The following SNX29 variants were observed in gnomAD, a reference collection of about 807,000 sequenced individuals.
SNX29 encodes the protein sorting nexin 29.
A neutral mutation model predicts 102.1 loss-of-function variants in SNX29; 78 were observed. The observed-to-expected ratio is 0.76, with a 90% CI of 0.64 to 0.92. The LOEUF is 0.92. Among genes scored for constraint, SNX29 ranks in the 40% least tolerant of loss-of-function variants. The pLI, the probability that SNX29 is intolerant of heterozygous loss-of-function variation, is 0.00. For missense variants in SNX29, 1,280 were observed against 1,061.7 expected (o/e 1.21, Z -2.86); for synonymous variants, 580 against 414.5 (o/e 1.40, Z -4.85).
At chr16:12,548,842 C>T (rs373036713) in intron 20 of SNX29, among the ~76,000 whole-genome samples, 3 of 152,200 alleles carry the variant, frequency 2.0e-5, no homozygotes, top group South Asian at 4.1e-4. Flanking sequence ...GTCTAGCTCT[C>T]AGTTCCTCTG....
chr16:12,213,761 C>T (rs927614638), intron 14 of SNX29, among the ~76,000 whole-genome samples: 1 of 152,206 alleles, frequency 6.6e-6, no homozygotes, highest in Non-Finnish European at 1.5e-5. Context: ...TAGCCAGTTT[C>T]CCGACCTTTA....
chr16:12,351,694 C>T (rs1189981280), intron 15 of SNX29, among the ~76,000 whole-genome samples: 1 of 152,034 alleles, frequency 6.6e-6, no homozygotes, highest in Admixed American at 6.6e-5. Context: ...GATCATCTTT[C>T]CTGATACTCC....
chr16:12,403,669 C>T (rs1256497129), intron 18 of SNX29, 140 bp downstream of exon 18: 5 of 799,344 alleles, frequency 6.3e-6, no homozygotes, highest in African/African-American at 5.2e-5. Context: ...ATCTTAACTG[C>T]CCAGAGGCCT....
chr16:12,457,220 T>G (rs2086579052), intron 18 of SNX29, among the ~76,000 whole-genome samples: 1 of 152,234 alleles, frequency 6.6e-6, no homozygotes, highest in Admixed American at 6.5e-5. Context: ...ATGCATGTGT[T>G]ATGTCACAAC....
chr16:12,487,754 G>T (rs1024919356), intron 19 of SNX29, among the ~76,000 whole-genome samples: 1 of 152,154 alleles, frequency 6.6e-6, no homozygotes, highest in African/African-American at 2.4e-5. Context: ...AACTGCTAGG[G>T]CTCCACAGAG....
intron 18 of SNX29, among the ~76,000 whole-genome samples, chr16:12,417,045 G>C (rs764949037): frequency 6.6e-6 from 1 of 152,246 alleles, no homozygotes; most frequent in African/African-American, 2.4e-5. Context: ...AGATACGCTT[G>C]AGTAAGGGGA....
At chr16:12,104,353 C>T (rs1198633769) in intron 11 of SNX29, among the ~76,000 whole-genome samples, 4 of 152,002 alleles carry the variant, frequency 2.6e-5, no homozygotes, top group Non-Finnish European at 4.4e-5. Context: ...GTCAGGAGTT[C>T]GAGACCAGCC....
chr16:12,469,967 C>T (rs1000028683), intron 18 of SNX29, among the ~76,000 whole-genome samples: 6 of 152,102 alleles, frequency 3.9e-5, no homozygotes, highest in East Asian at 1.9e-4. Context: ...GAGCTGAGAT[C>T]GCGCCATTGC....
chr16:12,217,195 T>C (rs2077346742), intron 14 of SNX29, among the ~76,000 whole-genome samples: 3 of 152,190 alleles, frequency 2.0e-5, no homozygotes, highest in African/African-American at 7.2e-5. Context: ...TTTTTTTGTA[T>C]TTTTTGTAGA....
chr16:12,182,617 G>A (rs146445085), intron 13 of SNX29, among the ~76,000 whole-genome samples: 2 of 152,092 alleles, frequency 1.3e-5, no homozygotes, highest in Admixed American at 1.3e-4. Context: ...AGTTTCATCT[G>A]TTTACCCTCA....
At chr16:12,214,572 AT>A (rs796995322) in intron 14 of SNX29, among the ~76,000 whole-genome samples, 61 of 148,058 alleles carry the variant, frequency 4.1e-4, no homozygotes, top group East Asian at 5.9e-4. Context: ...TTGCCTGAAT[AT>A]TTTTTTTTTT....
At chr16:12,153,911 G>A (rs997402020) in intron 13 of SNX29, among the ~76,000 whole-genome samples, 3 of 152,212 alleles carry the variant, frequency 2.0e-5, no homozygotes, top group Non-Finnish European at 2.9e-5. Flanking sequence ...TTTGTCTGAT[G>A]TGTTCCAGTT....
chr16:12,312,982 T>C (rs1411209125), intron 15 of SNX29, among the ~76,000 whole-genome samples: 1 of 151,386 alleles, frequency 6.6e-6, no homozygotes, highest in African/African-American at 2.4e-5. Flanking sequence ...AGCATTGTCA[T>C]AAAGGAGCTT....
chr16:12,511,257 A>C (rs968178202), intron 19 of SNX29, among the ~76,000 whole-genome samples: 1 of 152,202 alleles, frequency 6.6e-6, no homozygotes, highest in Non-Finnish European at 1.5e-5. Context: ...AAGAGGCAGG[A>C]CAGCCTCATA....
rs528793733 is a variant in SNX29 at position 12,572,398 on chromosome 16, A to AG, written c.*3771dup. On this transcript the variant is annotated 3_prime_UTR_variant, in exon 21 of 21. Coordinates refer to ENST00000566228, the MANE Select transcript of SNX29 (RefSeq NM_032167.5). ...AGGCGGCTTATATCCCAACAGCCTG[A>AG]GGCAGGGCTCTGTGGCCCAGGCCGG... 113 of 1,063,250 alleles carry AG rather than the reference A, an allele frequency of 1.1e-4. No individual in the cohort carries two copies. The East Asian group carries it at 5.3e-3, about 50-fold the overall frequency. The allele number at this position is 1,063,250 out of a possible 1,614,324, so 65.9% of individuals were successfully genotyped here.
chr16:12,571,950 G>T lies in SNX29; in HGVS notation c.*3321G>T. ...TGAAGGAAGACACTTTCAGGGAAGA[G>T]GCTCTTACAGTCTATGGTGGTAGCC... is the stretch of plus-strand genomic sequence containing the variant. On this transcript the variant is annotated 3_prime_UTR_variant, in exon 21 of 21. Coordinates refer to ENST00000566228, the MANE Select transcript of SNX29 (RefSeq NM_032167.5). 1 of 1,061,938 alleles carries T rather than the reference G, an allele frequency of 9.4e-7. No homozygotes were observed. Among genetic ancestry groups the T allele is most frequent in the Non-Finnish European group, 1.1e-6 (1 of 877,138 alleles). 65.8% of individuals were successfully genotyped at this position (1,061,938 alleles called of 1,614,324 possible).
At chr16:12,405,735 A>G (rs1205433519) in intron 18 of SNX29, among the ~76,000 whole-genome samples, 1 of 152,200 alleles carries the variant, frequency 6.6e-6, no homozygotes, top group African/African-American at 2.4e-5. Context: ...CTTATTTTAG[A>G]ATTAAAAAAG....
At chr16:12,337,488 C>T (rs936180056) in intron 15 of SNX29, among the ~76,000 whole-genome samples, 7 of 152,016 alleles carry the variant, frequency 4.6e-5, no homozygotes, top group South Asian at 4.2e-4. Context: ...ACTACAGGCA[C>T]GTACCATCAT....
intron 18 of SNX29, among the ~76,000 whole-genome samples, chr16:12,424,206 C>A (rs908248006): frequency 6.6e-6 from 1 of 152,180 alleles, no homozygotes. Flanking sequence ...ATCTCTATCA[C>A]GGGTAAAATG....
Sources: allele counts gnomAD v4.1 joint callset (sites outside exome capture counted in the v4.1 genomes callset), GRCh38; gene constraint gnomAD v4.1.1; transcripts MANE v1.5; gene names NCBI Gene and HGNC (gene_info 2026-07-23, HGNC 2026-07-21).